DOK6: variants seen among roughly 807,000 people sequenced by gnomAD.
DOK6 encodes downstream of tyrosine kinase 6.
Under a neutral mutation model 44.0 loss-of-function variants are expected in DOK6, and 22 were observed. The ratio of observed to expected loss-of-function variants is 0.50; its 90% CI spans 0.36 to 0.71. DOK6 has a LOEUF of 0.71. DOK6 is among the 30% of genes least tolerant of loss of function. The probability of loss-of-function intolerance (pLI) is 0.00; values close to 1 mark genes in which losing one functional copy is unlikely to be tolerated. For synonymous variants in DOK6, 166 were observed against 145.5 expected (o/e 1.14, Z -1.01); for missense variants, 340 against 416.4 (o/e 0.82, Z 1.60).
intron 3 of DOK6, 58 bp from the exon 4 acceptor site, chr18:69,677,676 C>A (rs925665080): frequency 2.5e-6 from 4 of 1,607,048 alleles, no homozygotes; most frequent in Admixed American, 1.7e-5. Flanking sequence ...AGGAAATATT[C>A]TTCTTCCATC....
rs996145 is a variant in DOK6 at position 69,543,406 on chromosome 18, A to T, written c.67-21081A>T. ...AGATAGAGAAGACCTTTCCCACACA[A>T]AGGTGACTTCACAAAGAAACAAGGA... On this transcript the variant is annotated intron_variant, in intron 1 of 7. Transcript: ENST00000382713. Among the ~76,000 whole-genome samples the T allele has an allele frequency of 9.0e-3, 1,365 of 151,676 alleles. 33 individuals are homozygous for T. Among genetic ancestry groups the T allele is most frequent in the African/African-American group, 0.031 (1,297 of 41,508 alleles).
At chr18:69,664,483 C>T (rs1395986836) in intron 3 of DOK6, among the ~76,000 whole-genome samples, 1 of 152,138 alleles carries the variant, frequency 6.6e-6, no homozygotes. Context: ...ATTTCAACAT[C>T]AGTGGTCCTT....
At chr18:69,706,567 C>T in intron 5 of DOK6, among the ~76,000 whole-genome samples, 1 of 151,436 alleles carries the variant, frequency 6.6e-6, no homozygotes, top group Non-Finnish European at 1.5e-5. Context: ...GGTACATGTG[C>T]ACAATGTGCA....
chr18:69,659,976 G>T, intron 3 of DOK6: 1 of 113,282 alleles, frequency 8.8e-6, no homozygotes, highest in East Asian at 2.5e-4. Flanking sequence ...ATATATATAT[G>T]TATATAAAGA....
At chr18:69,518,508 T>G (rs1003838070) in intron 1 of DOK6, among the ~76,000 whole-genome samples, 2 of 152,200 alleles carry the variant, frequency 1.3e-5, no homozygotes, top group African/African-American at 4.8e-5. Flanking sequence ...AATATTTTTA[T>G]GTATTATTTA....
At chr18:69,768,625 A>G (rs9953104) in intron 7 of DOK6, among the ~76,000 whole-genome samples, 3,572 of 149,310 alleles carry the variant, frequency 0.024, 124 homozygotes, top group African/African-American at 0.077. Context: ...CGGGCCAAGC[A>G]GAATACGGCA....
intron 4 of DOK6, among the ~76,000 whole-genome samples, chr18:69,680,673 T>A (rs8096331): frequency 0.8 from 121,265 of 152,028 alleles, 48,644 homozygotes; most frequent in East Asian, 0.98. Flanking sequence ...TCACTTTCTA[T>A]TCAACAGGCT....
At chr18:69,439,951 CT>C (rs1482998382) in intron 1 of DOK6, among the ~76,000 whole-genome samples, 1 of 152,186 alleles carries the variant, frequency 6.6e-6, no homozygotes, top group Non-Finnish European at 1.5e-5. Flanking sequence ...TTCAGCATGC[CT>C]TCTTCACTGA....
intron 2 of DOK6, among the ~76,000 whole-genome samples, chr18:69,582,491 T>C (rs930610406): frequency 3.3e-5 from 5 of 152,192 alleles, no homozygotes; most frequent in African/African-American, 1.2e-4. Flanking sequence ...AGTTGATATA[T>C]ATTAATGACT....
At chr18:69,756,859 G>GA (rs1479605853) in intron 6 of DOK6, among the ~76,000 whole-genome samples, 1 of 152,186 alleles carries the variant, frequency 6.6e-6, no homozygotes, top group Non-Finnish European at 1.5e-5. Context: ...TACATAAAGA[G>GA]AAAATGTGAG....
chr18:69,798,956 TAAC>T (rs1020035207), intron 7 of DOK6, among the ~76,000 whole-genome samples: 8 of 152,026 alleles, frequency 5.3e-5, no homozygotes, highest in African/African-American at 1.9e-4. Flanking sequence ...GCAGGACACT[TAAC>T]AACTGTATTG....
At chr18:69,606,825 G>C (rs1049541290) in intron 3 of DOK6, among the ~76,000 whole-genome samples, 1 of 146,786 alleles carries the variant, frequency 6.8e-6, no homozygotes, top group Non-Finnish European at 1.5e-5. Context: ...GTGCAGTGGC[G>C]CAATCTCGGC....
At chr18:69,467,636 T>C (rs1022050516) in intron 1 of DOK6, among the ~76,000 whole-genome samples, 1 of 152,178 alleles carries the variant, frequency 6.6e-6, no homozygotes, top group Non-Finnish European at 1.5e-5. Flanking sequence ...TATAAAATCA[T>C]CTAGATATTA....
intron 1 of DOK6, among the ~76,000 whole-genome samples, chr18:69,455,490 A>G (rs1362444532): frequency 1.3e-5 from 2 of 152,222 alleles, no homozygotes; most frequent in African/African-American, 4.8e-5. Flanking sequence ...ACAGAAATAT[A>G]TGTGAATAAT....
chr18:69,481,224 T>A (rs888779124), intron 1 of DOK6, among the ~76,000 whole-genome samples: 12 of 151,650 alleles, frequency 7.9e-5, no homozygotes, highest in Admixed American at 1.3e-4. Flanking sequence ...GGATTTTTTT[T>A]ATATTTTTTA....
chr18:69,449,895 C>A (rs993669904), intron 1 of DOK6, among the ~76,000 whole-genome samples: 1 of 150,104 alleles, frequency 6.7e-6, no homozygotes, highest in African/African-American at 2.5e-5. Flanking sequence ...ACATCCACAC[C>A]GAAAACCCAT....
intron 7 of DOK6, among the ~76,000 whole-genome samples, chr18:69,774,133 G>GATATATATAGATATATATATATATATAT (rs1555670144): frequency 1.5e-5 from 1 of 66,866 alleles, no homozygotes; most frequent in East Asian, 6.9e-4. Context: ...ATATATATGA[G>GATATATATAGATATATATATATATATAT]ATATATATAT....
intron 5 of DOK6, among the ~76,000 whole-genome samples, chr18:69,716,058 A>G (rs1986874159): frequency 6.6e-6 from 1 of 152,244 alleles, no homozygotes; most frequent in Non-Finnish European, 1.5e-5. Context: ...TGCTTTAGCA[A>G]CATCATTTTA....
chr18:69,530,395 A>G (rs1981952306), intron 1 of DOK6, among the ~76,000 whole-genome samples: 4 of 152,192 alleles, frequency 2.6e-5, no homozygotes, highest in African/African-American at 7.2e-5. Flanking sequence ...TGGCATCTAC[A>G]TCTATCTGAA....
Sources: allele counts gnomAD v4.1 joint callset (sites outside exome capture counted in the v4.1 genomes callset), GRCh38; gene constraint gnomAD v4.1.1; transcripts MANE v1.5; gene names NCBI Gene and HGNC (gene_info 2026-07-23, HGNC 2026-07-21).